The following ST18 variants were observed in gnomAD, a reference collection of about 807,000 sequenced individuals.
ST18 encodes suppression of tumorigenicity 18 protein.
In ST18, 50 loss-of-function variants were observed where a neutral mutation model predicts 110.0. That is an observed-to-expected ratio of 0.45 (90% confidence interval 0.36 to 0.58). The LOEUF (loss-of-function observed/expected upper bound fraction) is 0.58. Among genes scored for constraint, ST18 ranks in the 20% least tolerant of loss-of-function variants. The probability of loss-of-function intolerance (pLI) is 0.00; values close to 1 mark genes in which losing one functional copy is unlikely to be tolerated. For synonymous variants in ST18, 461 were observed against 452.4 expected (o/e 1.02, Z -0.24); for missense variants, 1,306 against 1,280.1 (o/e 1.02, Z -0.31).
At chr8:52,147,626 C>T (rs1016338912) in intron 16 of ST18, among the ~76,000 whole-genome samples, 8 of 151,956 alleles carry the variant, frequency 5.3e-5, no homozygotes, top group Admixed American at 2.0e-4. Context: ...CATACGGCAT[C>T]GAGATATTCC....
At position 52,143,005 on chromosome 8, in the gene ST18, T is replaced by A; in HGVS notation, c.2093A>T (p.Lys698Met). 1.2e-6 allele frequency: 2 copies of A among 1,612,330 alleles called. No homozygotes were observed. The highest frequency in any genetic ancestry group is 1.7e-5 in the Admixed American group (1 of 59,974). ...VSSLENLEEK[K>M]FPGEASIPSP... ...TGGTATAGAGGCCTCTCCAGGAAAC[T>A]TTTTTTCCTCTAAATTTTCTAGAGA... is the stretch of plus-strand genomic sequence containing the variant. Residue 698 changes from lysine to methionine, a missense_variant, in exon 17 of 26, where the codon AAG becomes ATG. By Grantham distance (95) the Lys-to-Met change is moderately conservative. Transcript: ENST00000689386.
At chr8:52,168,369 C>G (rs76526047) in intron 10 of ST18, among the ~76,000 whole-genome samples, 25 of 151,750 alleles carry the variant, frequency 1.6e-4, no homozygotes, top group African/African-American at 6.0e-4. Context: ...CAACGGGGCA[C>G]GAAGTCTGGC....
intron 2 of ST18, chr8:52,406,294 A>G (rs1844465173): frequency 1.3e-5 from 2 of 152,376 alleles, no homozygotes; most frequent in African/African-American, 2.4e-5. Flanking sequence ...AGGTAATTAT[A>G]AAACTCTTCC....
At chr8:52,287,983 G>A (rs2095496028) in intron 2 of ST18, among the ~76,000 whole-genome samples, 1 of 152,310 alleles carries the variant, frequency 6.6e-6, no homozygotes, top group South Asian at 2.1e-4. Context: ...AGAGGGTCGG[G>A]AAATATCAGT....
Position 52,150,510 on chromosome 8 carries a change from C to T in ST18, c.1807-533G>A, listed in dbSNP as rs187439507. On this transcript the variant is annotated intron_variant, in intron 15 of 25. Coordinates refer to ENST00000689386, the MANE Select transcript of ST18 (RefSeq NM_001352837.2). ...AGAGAATTTTTATTGGAATATTAAA[C>T]TAATATAAAAGCAACATTTTACCCT... 3.2e-4 allele frequency among the ~76,000 whole-genome samples: 48 copies of T among 152,262 alleles called. 1 individual carries two copies. In the East Asian group the frequency reaches 8.3e-3, roughly 26 times the overall value.
rs146698460 is a variant in ST18, at chr8:52,305,601, C to T, written c.-464-75524G>A. ...TACCTTCTCTTTCACCACAGCTGTC[C>T]AGTCTTCCCCATCTCAGCTAATGCC... On this transcript the variant is annotated intron_variant, in intron 2 of 25. Coordinates refer to ENST00000689386, the MANE Select transcript of ST18 (RefSeq NM_001352837.2). Among the ~76,000 whole-genome samples the T allele has an allele frequency of 9.8e-5, 15 of 152,318 alleles. No homozygotes were observed. The East Asian group carries it at 2.7e-3, about 27-fold the overall frequency.
At chr8:52,119,599 T>C (rs1012340235) in intron 23 of ST18, among the ~76,000 whole-genome samples, 5 of 152,152 alleles carry the variant, frequency 3.3e-5, no homozygotes, top group Non-Finnish European at 5.9e-5. Flanking sequence ...AATTTCTTCC[T>C]TAGGTACACA....
intron 2 of ST18, among the ~76,000 whole-genome samples, chr8:52,253,000 C>T (rs1249120808): frequency 2.0e-5 from 3 of 151,352 alleles, no homozygotes; most frequent in African/African-American, 7.3e-5. Flanking sequence ...AACGATAGTG[C>T]ACAGAATTAT....
intron 3 of ST18, among the ~76,000 whole-genome samples, chr8:52,224,768 T>C (rs1180691362): frequency 6.6e-6 from 1 of 152,248 alleles, no homozygotes; most frequent in African/African-American, 2.4e-5. Context: ...TTAACATTTT[T>C]CGCTTCCCCG....
At position 52,315,143 on chromosome 8, in the gene ST18, G is replaced by A. The variant is rs537964673; in HGVS notation, c.-464-85066C>T. ...AGTAAAATAAGCTAAAACAATTAAA[G>A]TAGTGTTGATTTAATTATATCCTAT... On this transcript the variant is annotated intron_variant, in intron 2 of 25. Coordinates refer to ENST00000689386, the MANE Select transcript of ST18 (RefSeq NM_001352837.2). 5.3e-5 allele frequency among the ~76,000 whole-genome samples: 8 copies of A among 152,312 alleles called. No homozygotes were observed. The South Asian group carries it at 1.7e-3, about 32-fold the overall frequency.
intron 2 of ST18, among the ~76,000 whole-genome samples, chr8:52,250,763 G>T (rs748688990): frequency 6.6e-6 from 1 of 151,764 alleles, no homozygotes; most frequent in Non-Finnish European, 1.5e-5. Context: ...GCCACCAAGA[G>T]ATATTTACTT....
chr8:52,184,078 C>G (rs990273241), intron 8 of ST18, among the ~76,000 whole-genome samples: 1 of 152,154 alleles, frequency 6.6e-6, no homozygotes, highest in African/African-American at 2.4e-5. Flanking sequence ...TGAGGGAAAG[C>G]CATGCTTTAC....
At chr8:52,136,415 T>C (rs554483843) in intron 19 of ST18, among the ~76,000 whole-genome samples, 175 bp downstream of exon 19, 5 of 152,198 alleles carry the variant, frequency 3.3e-5, no homozygotes, top group Non-Finnish European at 7.3e-5. Context: ...CTAAATTAAA[T>C]TACAGTGATT....
chr8:52,266,300 G>A (rs2094865953), intron 2 of ST18, among the ~76,000 whole-genome samples: 1 of 152,156 alleles, frequency 6.6e-6, no homozygotes, highest in South Asian at 2.1e-4. Flanking sequence ...CAGAGTAATA[G>A]GGATGTAAGT....
chr8:52,212,247 T>C (rs2082438321), intron 7 of ST18, 138 bp from the exon 8 acceptor site: 4 of 770,950 alleles, frequency 5.2e-6, no homozygotes, highest in Non-Finnish European at 4.1e-6. Flanking sequence ...CTTGTTCTAG[T>C]TCTTTGGAGA....
At position 52,191,557 on chromosome 8, in the gene ST18, G is replaced by T. The variant is rs558710590; in HGVS notation, c.87-11245C>A. Among the ~76,000 whole-genome samples the T allele has an allele frequency of 9.8e-5, 15 of 152,302 alleles. No homozygotes were observed. In the East Asian group the frequency reaches 2.7e-3, roughly 28 times the overall value. Reference sequence around the variant, plus strand: ...CTCACCCTCAACTACCACATGCAGGGCATGTGCAGGCTTCTGAATAACAGC... The same window carrying T: ...CTCACCCTCAACTACCACATGCAGGTCATGTGCAGGCTTCTGAATAACAGC... On this transcript the variant is annotated intron_variant, in intron 8 of 25. Transcript: ENST00000689386.
At chr8:52,271,107 C>T (rs1465839396) in intron 2 of ST18, among the ~76,000 whole-genome samples, 1 of 152,080 alleles carries the variant, frequency 6.6e-6, no homozygotes, top group Non-Finnish European at 1.5e-5. Flanking sequence ...ACTGTGTTAG[C>T]CAGGTTGGTC....
chr8:52,368,432 A>G (rs1828995611), intron 2 of ST18, among the ~76,000 whole-genome samples: 1 of 152,252 alleles, frequency 6.6e-6, no homozygotes, highest in African/African-American at 2.4e-5. Flanking sequence ...CTTGTGGATC[A>G]TTTAGTTCCA....
intron 2 of ST18, among the ~76,000 whole-genome samples, chr8:52,319,467 C>T (rs577102216): frequency 5.9e-5 from 9 of 152,066 alleles, no homozygotes; most frequent in Middle Eastern, 3.4e-3. Context: ...CCTTCATTTT[C>T]GATGCATAAA....
Sources: gnomAD v4.1 joint callset for allele counts (sites outside exome capture counted in the v4.1 genomes callset) on GRCh38, gnomAD v4.1.1 for gene constraint, MANE v1.5 for transcripts, NCBI Gene and HGNC (gene_info 2026-07-23, HGNC 2026-07-21) for gene names.